The following CDK8 variants were observed in gnomAD, a reference collection of about 807,000 sequenced individuals.
CDK8 encodes the protein cyclin-dependent kinase 8.
CDK8 carries 29 observed loss-of-function variants against 71.5 expected under a neutral mutation model. That is an observed-to-expected ratio of 0.41 (90% confidence interval 0.30 to 0.55). The LOEUF (loss-of-function observed/expected upper bound fraction) is 0.55. Ranked by LOEUF, CDK8 falls within the 20% of genes least tolerant of loss-of-function variation. The pLI, the probability that CDK8 is intolerant of heterozygous loss-of-function variation, is 0.37. For missense variants in CDK8, 288 were observed against 572.6 expected, an observed-to-expected ratio of 0.50 and a Z score of 5.07; for synonymous variants, 161 against 192.1, an observed-to-expected ratio of 0.84 and a Z score of 1.34.
intron 12 of CDK8, among the ~76,000 whole-genome samples, chr13:26,402,471 A>G (rs547077343): frequency 3.3e-5 from 5 of 152,016 alleles, no homozygotes; most frequent in Admixed American, 2.6e-4. Flanking sequence ...TTTACACACA[A>G]AAAAAAAGAG....
rs1871429112 is a variant in CDK8 at position 26,254,585 on chromosome 13, C to T, written c.-57C>T. On this transcript the variant is annotated 5_prime_UTR_variant, in exon 1 of 13. Coordinates refer to ENST00000381527, the MANE Select transcript of CDK8 (RefSeq NM_001260.3). The surrounding 1 kb of genome is among the most constrained non-coding windows in gnomAD (Gnocchi z 6.7). ...CTGCGGCTGCCCGTGCTTCCCCGGT[C>T]CCCACCCCTGCCCCCCGGCCCCCCG... 1 of 1,049,254 alleles carries T rather than the reference C, an allele frequency of 9.5e-7. No individual in the cohort carries two copies. Among genetic ancestry groups the T allele is most frequent in the East Asian group, 2.8e-5 (1 of 36,350 alleles). The allele number at this position is 1,049,254 out of a possible 1,614,324, so 65.0% of individuals were successfully genotyped here. A position where few individuals can be genotyped will look rare whatever the true frequency, so the allele number is the denominator to read the frequency against.
chr13:26,352,192 G>C (rs1873708379), intron 3 of CDK8, among the ~76,000 whole-genome samples: 1 of 151,218 alleles, frequency 6.6e-6, no homozygotes, highest in African/African-American at 2.4e-5. Context: ...CTTGGAGAGA[G>C]CCAAAGAATC....
At chr13:26,386,983 G>A (rs1875508740) in intron 6 of CDK8, among the ~76,000 whole-genome samples, 1 of 152,116 alleles carries the variant, frequency 6.6e-6, no homozygotes, top group Non-Finnish European at 1.5e-5. Context: ...GTAGTCCTTT[G>A]ATTTCCTCCT....
chr13:26,352,219 T>C (rs1427672245), intron 3 of CDK8, among the ~76,000 whole-genome samples: 2 of 152,056 alleles, frequency 1.3e-5, no homozygotes, highest in African/African-American at 4.8e-5. Context: ...TTGTTTTTTT[T>C]GTTTGTTTGT....
rs576235580 is a variant in CDK8 at position 26,288,266 on chromosome 13, G to A, written c.128+33497G>A. ...CGTGAGCCACTGCGCCCGGCCTAGT[G>A]CAACTTAATTTATCACTTTATGAGC... On this transcript the variant is annotated intron_variant, in intron 1 of 12. Transcript: ENST00000381527. 3.9e-5 allele frequency among the ~76,000 whole-genome samples: 6 copies of A among 152,008 alleles called. No homozygotes were observed. The South Asian group carries it at 1.2e-3, about 32-fold the overall frequency.
At chr13:26,360,635 C>T (rs1487523985) in intron 4 of CDK8, among the ~76,000 whole-genome samples, 2 of 152,164 alleles carry the variant, frequency 1.3e-5, no homozygotes, top group African/African-American at 4.8e-5. Flanking sequence ...GTGTCTTACT[C>T]TGTGTTTGTA....
At chr13:26,388,430 T>C (rs1875583620) in intron 6 of CDK8, among the ~76,000 whole-genome samples, 1 of 152,220 alleles carries the variant, frequency 6.6e-6, no homozygotes, top group Non-Finnish European at 1.5e-5. Context: ...AGGACATATA[T>C]AAACTAATGT....
At chr13:26,273,915 T>G (rs1478717935) in intron 1 of CDK8, among the ~76,000 whole-genome samples, 2 of 152,180 alleles carry the variant, frequency 1.3e-5, no homozygotes, top group Non-Finnish European at 2.9e-5. Flanking sequence ...TAGATTATAT[T>G]GTGCACATTG....
At chr13:26,400,180 A>G (rs1475118128) in intron 9 of CDK8, 3 of 353,228 alleles carry the variant, frequency 8.5e-6, no homozygotes, top group African/African-American at 2.1e-5. Flanking sequence ...TCTAAATTGG[A>G]TAAAGCCATT....
chr13:26,383,549 A>G (rs1593303232), intron 5 of CDK8, among the ~76,000 whole-genome samples: 1 of 152,086 alleles, frequency 6.6e-6, no homozygotes, highest in East Asian at 1.9e-4. Flanking sequence ...TGTCACATAT[A>G]TTTAGTTTGT....
chr13:26,310,196 C>T (rs1874221530), intron 1 of CDK8, among the ~76,000 whole-genome samples: 1 of 152,228 alleles, frequency 6.6e-6, no homozygotes, highest in Non-Finnish European at 1.5e-5. Flanking sequence ...TCACCTTTCT[C>T]TTCTCTCCTT....
intron 1 of CDK8, among the ~76,000 whole-genome samples, chr13:26,257,371 A>C (rs2137846997): frequency 6.6e-6 from 1 of 152,322 alleles, no homozygotes; most frequent in East Asian, 1.9e-4. Flanking sequence ...TAAATTATTA[A>C]GTTTTAGGAA....
rs535542452 is a variant in CDK8 at position 26,312,720 on chromosome 13, G to A, written c.129-24847G>A. 2.0e-5 allele frequency among the ~76,000 whole-genome samples: 3 copies of A among 152,266 alleles called. No homozygotes were observed. In the South Asian group the frequency reaches 6.2e-4, roughly 32 times the overall value. On this transcript the variant is annotated intron_variant, in intron 1 of 12. Coordinates refer to ENST00000381527, the MANE Select transcript of CDK8 (RefSeq NM_001260.3). ...ACCCACCAGAAGGAACCAATTCCGG[G>A]CACAGAGGGGTGTCTCCTTTCTAAG...
intron 1 of CDK8, among the ~76,000 whole-genome samples, chr13:26,258,198 A>G (rs1319036497): frequency 1.3e-5 from 2 of 152,186 alleles, no homozygotes; most frequent in Admixed American, 1.3e-4. Context: ...AATGTCAGCT[A>G]AGATTAGAGG....
At chr13:26,270,272 C>T (rs1241265268) in intron 1 of CDK8, among the ~76,000 whole-genome samples, 1 of 151,680 alleles carries the variant, frequency 6.6e-6, no homozygotes, top group Non-Finnish European at 1.5e-5. Context: ...GCCTGTAATC[C>T]TAGCTACTCA....
chr13:26,305,411 T>G (rs1268532690), intron 1 of CDK8, among the ~76,000 whole-genome samples: 4 of 152,210 alleles, frequency 2.6e-5, no homozygotes, highest in Non-Finnish European at 4.4e-5. Context: ...AAAATAATTT[T>G]TCTAAGAAGT....
intron 1 of CDK8, among the ~76,000 whole-genome samples, chr13:26,332,894 A>G (rs9578998): frequency 0.036 from 5,417 of 152,276 alleles, 318 homozygotes; most frequent in African/African-American, 0.12. Context: ...AGTGCTTAGA[A>G]CACTATTTGA....
At chr13:26,338,450 A>G (rs1262052575) in intron 2 of CDK8, among the ~76,000 whole-genome samples, 1 of 152,112 alleles carries the variant, frequency 6.6e-6, no homozygotes, top group Non-Finnish European at 1.5e-5. Flanking sequence ...TATGTTGAGG[A>G]AAAAGACTCA....
At chr13:26,295,258 T>C (rs924886694) in intron 1 of CDK8, among the ~76,000 whole-genome samples, 1 of 152,158 alleles carries the variant, frequency 6.6e-6, no homozygotes. Flanking sequence ...GGCTCTTTTT[T>C]TGGGATCCCT....
Sources: gnomAD v4.1 joint callset for allele counts (sites outside exome capture counted in the v4.1 genomes callset) on GRCh38, gnomAD v4.1.1 for gene constraint, Gnocchi (gnomAD v3.1) non-coding constraint, MANE v1.5 for transcripts, NCBI Gene and HGNC (gene_info 2026-07-23, HGNC 2026-07-21) for gene names.